The following PABIR1 variants were observed in gnomAD, a reference collection of about 807,000 sequenced individuals.
PABIR1 encodes PPP2R1A-PPP2R2A-interacting phosphatase regulator 1.
A neutral mutation model predicts 14.6 loss-of-function variants in PABIR1; 2 were observed. The ratio of observed to expected loss-of-function variants is 0.14; its 90% CI spans 0.06 to 0.43. The LOEUF is 0.43. PABIR1 is among the 20% of genes least tolerant of loss of function. PABIR1 has a pLI of 0.99. For missense variants in PABIR1, 294 were observed against 379.0 expected (o/e 0.78, Z 1.86); for synonymous variants, 163 against 155.4 (o/e 1.05, Z -0.36).
rs1831421546 is a variant in PABIR1, at chr9:68,783,477, G to C, written c.*2449G>C. Reference sequence around the variant, plus strand: ...CATATCTGTGTGGTTTTAAAAGTCTGCTTTTAATTATGTAAAATTCATCTT... The same window carrying C: ...CATATCTGTGTGGTTTTAAAAGTCTCCTTTTAATTATGTAAAATTCATCTT... On this transcript the variant is annotated 3_prime_UTR_variant, in exon 1 of 1. Coordinates refer to ENST00000394264, the MANE Select transcript of PABIR1 (RefSeq NM_138333.5). 1 of 166,926 alleles carries C rather than the reference G, an allele frequency of 6.0e-6. No individual in the cohort carries two copies. The highest frequency in any genetic ancestry group is 2.1e-4 in the South Asian group (1 of 4,826). 10.3% of individuals were successfully genotyped at this position (166,926 alleles called of 1,614,324 possible). A position where few individuals can be genotyped will look rare whatever the true frequency, so the allele number is the denominator to read the frequency against.
rs771850649 is a variant in PABIR1, at chr9:68,780,230, G to A, written c.66G>A (p.Glu22=). The A allele has an allele frequency of 6.5e-5, 101 of 1,543,236 alleles. No homozygotes were observed. Among genetic ancestry groups the A allele is most frequent in the Non-Finnish European group, 7.4e-5 (85 of 1,150,720 alleles). ...LPPGTGGSPA[E]GGGSGGGGGL... ...CGGGTACGGGCGGGAGCCCGGCGGAGGGCGGTGGCAGCGGCGGCGGCGGGG... is the reference window on the plus strand; with the variant it reads ...CGGGTACGGGCGGGAGCCCGGCGGAAGGCGGTGGCAGCGGCGGCGGCGGGG... The change falls in exon 1 of 1, where the codon GAG becomes GAA. Residue 22 remains glutamate, a synonymous_variant. Transcript: ENST00000394264.
In PABIR1 at chr9:68,780,309, C is replaced by T. The variant is rs766728966; in HGVS notation, c.145C>T (p.Pro49Ser). ...PLIHGLSDTS[P>S]VFQAEAPSAR... ...GATCCACGGCCTCAGTGACACTTCG[C>T]CGGTGTTCCAGGCCGAGGCGCCGAG... The change falls in exon 1 of 1, where the codon CCG (proline) becomes TCG (serine). Residue 49 changes from proline to serine, a missense_variant. Physicochemically the swap from Pro to Ser is moderately conservative, Grantham distance 74 (BLOSUM62 -1). Coordinates refer to ENST00000394264, the MANE Select transcript of PABIR1 (RefSeq NM_138333.5). 4 of 1,600,894 alleles carry T rather than the reference C, an allele frequency of 2.5e-6. No homozygotes were observed. The highest frequency in any genetic ancestry group is 1.1e-5 in the South Asian group (1 of 89,680).
At position 68,781,087 on chromosome 9, in the gene PABIR1, A is replaced by G; in HGVS notation, c.*59A>G. ...AGAGAGAGAATAATCTAGTTGGGGCAAACACTGAACTTTGTCAATTAATTT... is the reference window on the plus strand; with the variant it reads ...AGAGAGAGAATAATCTAGTTGGGGCGAACACTGAACTTTGTCAATTAATTT... On this transcript the variant is annotated 3_prime_UTR_variant, in exon 1 of 1. Transcript: ENST00000394264. 1 of 1,539,972 alleles carries G rather than the reference A, an allele frequency of 6.5e-7. No individual in the cohort carries two copies. Among genetic ancestry groups the G allele is most frequent in the Non-Finnish European group, 8.8e-7 (1 of 1,142,406 alleles).
Position 68,781,272 on chromosome 9 carries a change from C to A in PABIR1, c.*244C>A. On this transcript the variant is annotated 3_prime_UTR_variant, in exon 1 of 1. Coordinates refer to ENST00000394264, the MANE Select transcript of PABIR1 (RefSeq NM_138333.5). ...AAGTGTGTTGAAGCATACATCTTTA[C>A]GCTGCTAATATGTCTAAATACATAT... 1 of 500,728 alleles carries A rather than the reference C, an allele frequency of 2.0e-6. No individual in the cohort carries two copies. Among genetic ancestry groups the A allele is most frequent in the Non-Finnish European group, 3.6e-6 (1 of 274,480 alleles). The allele number at this position is 500,728 out of a possible 1,614,324, so 31.0% of individuals were successfully genotyped here.
chr9:68,780,258 C>A lies in PABIR1; in HGVS notation c.94C>A (p.Leu32Ile). 1 of 1,556,358 alleles carries A rather than the reference C, an allele frequency of 6.4e-7. No homozygotes were observed. Among genetic ancestry groups the A allele is most frequent in the Non-Finnish European group, 8.6e-7 (1 of 1,156,190 alleles). ...CGGTGGCAGCGGCGGCGGCGGGGGC[C>A]TCAGGAGGTCTAACAGCGCCCCCCT... ...EGGGSGGGGG[L>I]RRSNSAPLIH... The change falls in exon 1 of 1, where the codon CTC (leucine) becomes ATC (isoleucine). Residue 32 changes from leucine (L) to isoleucine (I), a missense_variant. Transcript: ENST00000394264.
rs1268035244 is a variant in PABIR1 at position 68,782,293 on chromosome 9, A to G, written c.*1265A>G. On this transcript the variant is annotated 3_prime_UTR_variant, in exon 1 of 1. Transcript: ENST00000394264. ...TAAGGGGTGATGATTTGCAAGAGAAAATTAGTGGAGAGTCACATAGGTAAA... is the reference window on the plus strand; with the variant it reads ...TAAGGGGTGATGATTTGCAAGAGAAGATTAGTGGAGAGTCACATAGGTAAA... 1 of 167,116 alleles carries G rather than the reference A, an allele frequency of 6.0e-6. No homozygotes were observed. The highest frequency in any genetic ancestry group is 1.5e-5 in the Non-Finnish European group (1 of 68,126). 10.4% of individuals were successfully genotyped at this position (167,116 alleles called of 1,614,324 possible).
chr9:68,780,874 T>A lies in PABIR1; in HGVS notation c.710T>A (p.Val237Glu). The change falls in exon 1 of 1, where the codon GTG becomes GAG. Residue 237 changes from valine to glutamate, a missense_variant. Physicochemically the swap from Val to Glu is moderately radical, Grantham distance 121 (BLOSUM62 -2). Coordinates refer to ENST00000394264, the MANE Select transcript of PABIR1 (RefSeq NM_138333.5). ...SDVAQLSDPG[V>E]CVSSDTLDGN... ...GTTGCACAGCTGTCAGATCCTGGTG[T>A]GTGTGTATCTTCGGATACCCTTGAT... 1 of 1,614,242 alleles carries A rather than the reference T, an allele frequency of 6.2e-7. No homozygotes were observed. The highest frequency in any genetic ancestry group is 1.6e-4 in the Middle Eastern group (1 of 6,062).
Position 68,781,134 on chromosome 9 carries a change from C to G in PABIR1, c.*106C>G. 1 of 1,434,454 alleles carries G rather than the reference C, an allele frequency of 7.0e-7. No homozygotes were observed. Among genetic ancestry groups the G allele is most frequent in the East Asian group, 2.3e-5 (1 of 43,582 alleles). The allele number at this position is 1,434,454 out of a possible 1,614,324, so 88.9% of individuals were successfully genotyped here. ...ATTTGAGGCTATTTCCTATTTGACCCCTTTTCTTTTTTGAAATTCCCTGAA... is the reference window on the plus strand; with the variant it reads ...ATTTGAGGCTATTTCCTATTTGACCGCTTTTCTTTTTTGAAATTCCCTGAA... On this transcript the variant is annotated 3_prime_UTR_variant, in exon 1 of 1. Coordinates refer to ENST00000394264, the MANE Select transcript of PABIR1 (RefSeq NM_138333.5).
chr9:68,781,200 G>A lies in PABIR1; in HGVS notation c.*172G>A. 1.2e-6 allele frequency: 1 copy of A among 817,164 alleles called. No individual in the cohort carries two copies. Among genetic ancestry groups the A allele is most frequent in the Non-Finnish European group, 1.9e-6 (1 of 520,892 alleles). The allele number at this position is 817,164 out of a possible 1,614,324, so 50.6% of individuals were successfully genotyped here. ...AGAACTTCTATGTCAGGTTCCTTTGGATACCCTTGAATTCAGTGTAGTAAT... is the reference window on the plus strand; with the variant it reads ...AGAACTTCTATGTCAGGTTCCTTTGAATACCCTTGAATTCAGTGTAGTAAT... On this transcript the variant is annotated 3_prime_UTR_variant, in exon 1 of 1. Coordinates refer to ENST00000394264, the MANE Select transcript of PABIR1 (RefSeq NM_138333.5).
chr9:68,780,903 A>G lies in PABIR1; in HGVS notation c.739A>G (p.Asn247Asp). Residue 247 changes from asparagine to aspartate, a missense_variant, in exon 1 of 1, where the codon AAC becomes GAC. Coordinates refer to ENST00000394264, the MANE Select transcript of PABIR1 (RefSeq NM_138333.5). ...TGTATCTTCGGATACCCTTGATGGA[A>G]ACAGCAGCAGTGCCGGATCTTCTTG... is the stretch of plus-strand genomic sequence containing the variant. ...VCVSSDTLDG[N>D]SSSAGSSCNS... The G allele has an allele frequency of 6.2e-7, 1 of 1,614,184 alleles. No homozygotes were observed. The highest frequency in any genetic ancestry group is 8.5e-7 in the Non-Finnish European group (1 of 1,180,034).
rs1831542735 is a variant in PABIR1 at position 68,785,216 on chromosome 9, T to C, written c.*4188T>C. ...GGTTCTGCTGAAAGTGTAGTTTGAA[T>C]GATTGGCTGAGGCATTGAGGATAAG... On this transcript the variant is annotated 3_prime_UTR_variant, in exon 1 of 1. Transcript: ENST00000394264. 2.0e-5 allele frequency among the ~76,000 whole-genome samples: 3 copies of C among 152,170 alleles called. No homozygotes were observed. In the South Asian group the frequency reaches 6.2e-4, roughly 31 times the overall value.
rs1430149891 is a variant in PABIR1 at position 68,781,802 on chromosome 9, G to A, written c.*774G>A. On this transcript the variant is annotated 3_prime_UTR_variant, in exon 1 of 1. Coordinates refer to ENST00000394264, the MANE Select transcript of PABIR1 (RefSeq NM_138333.5). ...TTGGGTGTAATCCTAAAGTGAAATG[G>A]GACAGTGCCTTGCAGTCTTTGCCCA... 1 of 166,554 alleles carries A rather than the reference G, an allele frequency of 6.0e-6. No homozygotes were observed. The allele number at this position is 166,554 out of a possible 1,614,324, so 10.3% of individuals were successfully genotyped here.
rs2132467314 is a variant in PABIR1 at position 68,783,328 on chromosome 9, C to G, written c.*2300C>G. On this transcript the variant is annotated 3_prime_UTR_variant, in exon 1 of 1. Coordinates refer to ENST00000394264, the MANE Select transcript of PABIR1 (RefSeq NM_138333.5). Reference sequence around the variant, plus strand: ...ACCACTTGATATTCTTTAAATATGTCATGTACTTTTCTTGTGTCTGTTCTT... The same window carrying G: ...ACCACTTGATATTCTTTAAATATGTGATGTACTTTTCTTGTGTCTGTTCTT... 6.0e-6 allele frequency: 1 copy of G among 166,876 alleles called. No individual in the cohort carries two copies. The highest frequency in any genetic ancestry group is 1.5e-5 in the Non-Finnish European group (1 of 68,088). The allele number at this position is 166,876 out of a possible 1,614,324, so 10.3% of individuals were successfully genotyped here. A position where few individuals can be genotyped will look rare whatever the true frequency, so the allele number is the denominator to read the frequency against.
Position 68,780,085 on chromosome 9 carries a change from AGC to A in PABIR1, c.-78_-77del. On this transcript the variant is annotated 5_prime_UTR_variant, in exon 1 of 1. Coordinates refer to ENST00000394264, the MANE Select transcript of PABIR1 (RefSeq NM_138333.5). ...CTGACAGATTCTCGGTGGCGGCGGCAGCGGCGGCGGCCCTGGACTGCGGGGAA... is the reference window on the plus strand; with the variant it reads ...CTGACAGATTCTCGGTGGCGGCGGCAGGCGGCGGCCCTGGACTGCGGGGAA... 3 of 1,424,352 alleles carry A rather than the reference AGC, an allele frequency of 2.1e-6. No individual in the cohort carries two copies. Among genetic ancestry groups the A allele is most frequent in the Non-Finnish European group, 2.8e-6 (3 of 1,090,652 alleles). The allele number at this position is 1,424,352 out of a possible 1,614,324, so 88.2% of individuals were successfully genotyped here. A position where few individuals can be genotyped will look rare whatever the true frequency, so the allele number is the denominator to read the frequency against.
Position 68,780,557 on chromosome 9 carries a change from C to T in PABIR1, c.393C>T (p.Ser131=). 1 of 1,614,164 alleles carries T rather than the reference C, an allele frequency of 6.2e-7. No individual in the cohort carries two copies. The highest frequency in any genetic ancestry group is 8.5e-7 in the Non-Finnish European group (1 of 1,180,022). ...FSLSDNDVEK[S]ASPKRIDFIP... ...TGAGTGACAACGACGTGGAGAAATCCGCCTCCCCCAAGCGCATCGATTTCA... is the reference window on the plus strand; with the variant it reads ...TGAGTGACAACGACGTGGAGAAATCTGCCTCCCCCAAGCGCATCGATTTCA... Residue 131 remains serine, a synonymous_variant, in exon 1 of 1, where the codon TCC becomes TCT. Coordinates refer to ENST00000394264, the MANE Select transcript of PABIR1 (RefSeq NM_138333.5).
At position 68,780,879 on chromosome 9, in the gene PABIR1, G is replaced by GTA; in HGVS notation, c.717_718dup (p.Ser240TyrfsTer43). 6.2e-7 allele frequency: 1 copy of GTA among 1,614,192 alleles called. No individual in the cohort carries two copies. Among genetic ancestry groups the GTA allele is most frequent in the Non-Finnish European group, 8.5e-7 (1 of 1,180,040 alleles). ...ACAGCTGTCAGATCCTGGTGTGTGT[G>GTA]TATCTTCGGATACCCTTGATGGAAA... On this transcript the variant is annotated frameshift_variant, in exon 1 of 1. Coordinates refer to ENST00000394264, the MANE Select transcript of PABIR1 (RefSeq NM_138333.5). LOFTEE classifies it high-confidence loss of function.
In PABIR1 at chr9:68,783,925, T is replaced by C. The variant is rs561025569; in HGVS notation, c.*2897T>C. On this transcript the variant is annotated 3_prime_UTR_variant, in exon 1 of 1. Coordinates refer to ENST00000394264, the MANE Select transcript of PABIR1 (RefSeq NM_138333.5). The stretch of plus-strand genomic sequence containing the variant: ...GTTCTCATGAGTATGCCAAAATGTA[T>C]TAATTCTGGGCTAGGAGGCCCTGAG... The C allele has an allele frequency of 1.0e-4, 8 of 78,828 alleles. No individual in the cohort carries two copies. The highest frequency in any genetic ancestry group is 4.4e-4 in the African/African-American group (8 of 18,230). The allele number at this position is 78,828 out of a possible 1,614,324, so 4.9% of individuals were successfully genotyped here.
At position 68,781,268 on chromosome 9, in the gene PABIR1, TTTA is replaced by T; in HGVS notation, c.*241_*243del. 1 of 510,572 alleles carries T rather than the reference TTTA, an allele frequency of 2.0e-6. No homozygotes were observed. Among genetic ancestry groups the T allele is most frequent in the Non-Finnish European group, 3.6e-6 (1 of 280,464 alleles). 31.6% of individuals were successfully genotyped at this position (510,572 alleles called of 1,614,324 possible). A position where few individuals can be genotyped will look rare whatever the true frequency, so the allele number is the denominator to read the frequency against. ...CAATAAGTGTGTTGAAGCATACATC[TTTA>T]CGCTGCTAATATGTCTAAATACATA... On this transcript the variant is annotated 3_prime_UTR_variant, in exon 1 of 1. Coordinates refer to ENST00000394264, the MANE Select transcript of PABIR1 (RefSeq NM_138333.5).
At position 68,781,084 on chromosome 9, in the gene PABIR1, G is replaced by C. The variant is rs1215734010; in HGVS notation, c.*56G>C. The C allele has an allele frequency of 6.5e-7, 1 of 1,540,674 alleles. No individual in the cohort carries two copies. The highest frequency in any genetic ancestry group is 8.7e-7 in the Non-Finnish European group (1 of 1,143,124). ...TGGAGAGAGAGAATAATCTAGTTGGGGCAAACACTGAACTTTGTCAATTAA... is the reference window on the plus strand; with the variant it reads ...TGGAGAGAGAGAATAATCTAGTTGGCGCAAACACTGAACTTTGTCAATTAA... On this transcript the variant is annotated 3_prime_UTR_variant, in exon 1 of 1. Transcript: ENST00000394264.
Sources: allele counts gnomAD v4.1 joint callset (sites outside exome capture counted in the v4.1 genomes callset), GRCh38; gene constraint gnomAD v4.1.1; transcripts MANE v1.5; gene names NCBI Gene and HGNC (gene_info 2026-07-23, HGNC 2026-07-21).